The following SV2C variants were observed in gnomAD, a reference collection of about 807,000 sequenced individuals.
SV2C encodes the protein solute carrier family 22 member B3.
A neutral mutation model predicts 79.7 loss-of-function variants in SV2C; 49 were observed. The ratio of observed to expected loss-of-function variants is 0.61; its 90% CI spans 0.49 to 0.78. The LOEUF (loss-of-function observed/expected upper bound fraction) is 0.78. Ranked by LOEUF, SV2C falls within the 30% of genes least tolerant of loss-of-function variation. SV2C has a pLI of 0.00. For synonymous variants in SV2C, 334 were observed against 333.2 expected (o/e 1.00, Z -0.03); for missense variants, 833 against 912.9 (o/e 0.91, Z 1.13).
chr5:76,169,377 G>A (rs1292661209), intron 2 of SV2C, among the ~76,000 whole-genome samples: 1 of 152,192 alleles, frequency 6.6e-6, no homozygotes, highest in Non-Finnish European at 1.5e-5. Context: ...TAGACATGAT[G>A]TAATATTCAC....
the SV2C span, among the ~76,000 whole-genome samples, chr5:75,948,332 C>G: frequency 6.6e-6 from 1 of 152,014 alleles, no homozygotes; most frequent in African/African-American, 2.4e-5. Context: ...TGCATGGTTT[C>G]TCAGAAATGC....
intron 2 of SV2C, among the ~76,000 whole-genome samples, chr5:76,189,132 T>G (rs1744018106): frequency 6.6e-6 from 1 of 151,810 alleles, no homozygotes; most frequent in African/African-American, 2.4e-5. Flanking sequence ...AGATCTTAAG[T>G]ATAGTTAGAG....
intron 1 of SV2C, among the ~76,000 whole-genome samples, chr5:76,086,375 A>G (rs1747196905): frequency 6.6e-6 from 1 of 152,246 alleles, no homozygotes; most frequent in Non-Finnish European, 1.5e-5. Flanking sequence ...TGATTTGTCA[A>G]AATGGCTCCT....
intron 4 of SV2C, among the ~76,000 whole-genome samples, chr5:76,252,250 G>C (rs983355711): frequency 1.3e-5 from 2 of 152,104 alleles, no homozygotes; most frequent in Non-Finnish European, 2.9e-5. Flanking sequence ...CTCCCAAGTA[G>C]CTGGGACTAC....
the SV2C span, among the ~76,000 whole-genome samples, chr5:76,032,553 C>G: frequency 1.3e-5 from 2 of 152,154 alleles, no homozygotes; most frequent in African/African-American, 2.4e-5. Context: ...CAGTTTCATC[C>G]ATGTCCCTAC....
At chr5:75,977,944 G>C in the SV2C span, among the ~76,000 whole-genome samples, 1 of 152,104 alleles carries the variant, frequency 6.6e-6, no homozygotes, top group Non-Finnish European at 1.5e-5. Flanking sequence ...CCATTCCTGG[G>C]CTGTCATCAC....
the SV2C span, among the ~76,000 whole-genome samples, chr5:75,928,482 C>T: frequency 6.6e-6 from 1 of 152,178 alleles, no homozygotes; most frequent in African/African-American, 2.4e-5. Flanking sequence ...TTATTCTAAA[C>T]TTGTGGTCCC....
At chr5:75,905,527 A>C in the SV2C span, among the ~76,000 whole-genome samples, 1 of 152,342 alleles carries the variant, frequency 6.6e-6, no homozygotes, top group East Asian at 1.9e-4. Context: ...ATGGCTCTTA[A>C]AACAAGGTAG....
At chr5:76,036,393 C>T in the SV2C span, among the ~76,000 whole-genome samples, 2 of 152,070 alleles carry the variant, frequency 1.3e-5, no homozygotes, top group Admixed American at 6.6e-5. Context: ...TGGTTTTTCC[C>T]TTCCATGTTT....
the SV2C span, among the ~76,000 whole-genome samples, chr5:75,933,542 T>C: frequency 1.3e-5 from 2 of 152,214 alleles, no homozygotes; most frequent in African/African-American, 4.8e-5. Context: ...GAAGTCGCTA[T>C]TCAAGGAGCC....
chr5:75,909,236 T>C, the SV2C span, among the ~76,000 whole-genome samples: 1 of 152,222 alleles, frequency 6.6e-6, no homozygotes, highest in Non-Finnish European at 1.5e-5. Context: ...CACCTGTGCA[T>C]GTGTGTCAGG....
intron 3 of SV2C, among the ~76,000 whole-genome samples, chr5:76,200,630 T>A (rs1744413508): frequency 6.6e-6 from 1 of 152,124 alleles, no homozygotes; most frequent in Admixed American, 6.5e-5. Context: ...TTCTTTTTTA[T>A]TTTATTTTTT....
intron 12 of SV2C, among the ~76,000 whole-genome samples, chr5:76,344,507 G>C (rs1253754914): frequency 6.6e-6 from 1 of 152,180 alleles, no homozygotes; most frequent in Admixed American, 6.5e-5. Flanking sequence ...TCAGGAGTTT[G>C]AGATCAGCCT....
At chr5:75,879,116 T>A in the SV2C span, among the ~76,000 whole-genome samples, 2 of 152,272 alleles carry the variant, frequency 1.3e-5, no homozygotes, top group African/African-American at 4.8e-5. Context: ...GGATGAATGA[T>A]TCAAACACCT....
At chr5:76,250,227 A>T (rs1358818029) in intron 4 of SV2C, among the ~76,000 whole-genome samples, 1 of 152,166 alleles carries the variant, frequency 6.6e-6, no homozygotes, top group Non-Finnish European at 1.5e-5. Flanking sequence ...GATGAAGAAA[A>T]GTTCAAACCT....
the SV2C span, among the ~76,000 whole-genome samples, chr5:75,854,075 C>A: frequency 6.7e-6 from 1 of 150,046 alleles, no homozygotes; most frequent in Non-Finnish European, 1.5e-5. Context: ...TGCATTCTTT[C>A]ACAATAGGTT....
chr5:75,876,025 G>A, the SV2C span, among the ~76,000 whole-genome samples: 6 of 152,024 alleles, frequency 3.9e-5, no homozygotes, highest in Admixed American at 2.6e-4. Context: ...TCCTCAAAGA[G>A]CTAAAAACAG....
the SV2C span, among the ~76,000 whole-genome samples, chr5:76,031,172 C>A: frequency 6.6e-6 from 1 of 152,198 alleles, no homozygotes; most frequent in Non-Finnish European, 1.5e-5. Context: ...TCAGACTCTC[C>A]CACAACTTCC....
At chr5:76,246,869 G>A (rs191251758) in intron 4 of SV2C, among the ~76,000 whole-genome samples, 1 of 152,148 alleles carries the variant, frequency 6.6e-6, no homozygotes, top group East Asian at 1.9e-4. Flanking sequence ...GCCCCTTCTT[G>A]TGTCAACTCT....
Sources: gnomAD v4.1 joint callset for allele counts (sites outside exome capture counted in the v4.1 genomes callset) on GRCh38, gnomAD v4.1.1 for gene constraint, MANE v1.5 for transcripts, NCBI Gene and HGNC (gene_info 2026-07-23, HGNC 2026-07-21) for gene names.